Variants in OR5D3 observed in about 807,000 individuals in gnomAD.
OR5D3 encodes olfactory receptor family 5 subfamily D member 3, also known as olfactory receptor 5D3.
the OR5D3 span, chr11:55,729,291 T>C: frequency 1.3e-5 from 2 of 150,608 alleles, no homozygotes; most frequent in Non-Finnish European, 3.0e-5. Flanking sequence ...TATTAAGTGA[T>C]AGCTATGGGC....
chr11:55,728,346 A>AAAT, the OR5D3 span: 1 of 152,144 alleles, frequency 6.6e-6, no homozygotes, highest in South Asian at 2.1e-4. Context: ...AGTGATGGGT[A>AAAT]CAGGGAGAAA....
the OR5D3 span, chr11:55,726,436 A>G: frequency 2.1e-6 from 1 of 470,752 alleles, no homozygotes; most frequent in Non-Finnish European, 3.9e-6. Context: ...CTGTTATTCC[A>G]CCACAATTAC....
At chr11:55,726,923 C>G in the OR5D3 span, 1 of 399,526 alleles carries the variant, frequency 2.5e-6, no homozygotes, top group Non-Finnish European at 4.4e-6. Flanking sequence ...CGCAAGAAAG[C>G]GTTCTCCACG....
the OR5D3 span, chr11:55,724,144 T>C: frequency 2.6e-6 from 1 of 390,972 alleles, no homozygotes; most frequent in African/African-American, 2.1e-5. Flanking sequence ...CACGTGTAGG[T>C]TGAAGTGCCC....
At chr11:55,725,338 G>A in the OR5D3 span, among the ~76,000 whole-genome samples, 1 of 151,914 alleles carries the variant, frequency 6.6e-6, no homozygotes, top group Non-Finnish European at 1.5e-5. Flanking sequence ...TGTTTGAGAT[G>A]GGTCTTCCTG....
the OR5D3 span, chr11:55,728,438 C>T: frequency 0.18 from 26,876 of 152,034 alleles, 2,581 homozygotes; most frequent in Admixed American, 0.22. Context: ...AACTTTACTG[C>T]AGAAAACAGA....
the OR5D3 span, among the ~76,000 whole-genome samples, chr11:55,724,479 T>C: frequency 2.4e-4 from 36 of 152,094 alleles, no homozygotes; most frequent in Non-Finnish European, 5.1e-4. Context: ...TTTACAAGAG[T>C]AGATGGTAAA....
At chr11:55,724,068 GT>G in the OR5D3 span, 34,711 of 397,112 alleles carry the variant, frequency 0.087, 1,729 homozygotes, top group African/African-American at 0.16. Context: ...AGTTGATTTA[GT>G]TTTTTTAAAA....
At chr11:55,724,800 T>C in the OR5D3 span, among the ~76,000 whole-genome samples, 1 of 152,074 alleles carries the variant, frequency 6.6e-6, no homozygotes, top group Non-Finnish European at 1.5e-5. Flanking sequence ...AATACAGTCA[T>C]AATCTAGTTT....
At chr11:55,728,745 C>T in the OR5D3 span, 1 of 150,470 alleles carries the variant, frequency 6.6e-6, no homozygotes, top group Non-Finnish European at 1.5e-5. Context: ...ATGCAACTTA[C>T]TGTTTAGGAA....
At chr11:55,724,409 T>A in the OR5D3 span, among the ~76,000 whole-genome samples, 1 of 152,086 alleles carries the variant, frequency 6.6e-6, no homozygotes, top group Admixed American at 6.5e-5. Context: ...TTATGGTAAC[T>A]GTGAGTTATA....
chr11:55,724,511 AATAG>A, the OR5D3 span, among the ~76,000 whole-genome samples: 2 of 152,076 alleles, frequency 1.3e-5, no homozygotes, highest in Non-Finnish European at 2.9e-5. Flanking sequence ...TAAAAGTGAG[AATAG>A]ATAGAAAGCA....
the OR5D3 span, among the ~76,000 whole-genome samples, chr11:55,725,998 G>A: frequency 6.6e-5 from 10 of 151,666 alleles, no homozygotes; most frequent in Non-Finnish European, 1.5e-4. Context: ...TCTTAATTTT[G>A]TTTTTTATTA....
the OR5D3 span, chr11:55,726,353 T>C: frequency 4.3e-6 from 2 of 466,084 alleles, no homozygotes; most frequent in East Asian, 3.2e-5. Flanking sequence ...GGCATGATCA[T>C]GGTCATCAGG....
chr11:55,723,959 TATTA>T, the OR5D3 span: 5 of 397,670 alleles, frequency 1.3e-5, no homozygotes, highest in African/African-American at 4.1e-5. Context: ...GGTTTGTTTC[TATTA>T]ATTAAGTGCT....
chr11:55,725,183 T>G, the OR5D3 span, among the ~76,000 whole-genome samples: 1 of 152,178 alleles, frequency 6.6e-6, no homozygotes, highest in Admixed American at 6.5e-5. Context: ...CTTTATACTG[T>G]GTTTTATAAC....
the OR5D3 span, chr11:55,727,578 C>A: frequency 6.6e-6 from 1 of 152,024 alleles, no homozygotes; most frequent in South Asian, 2.1e-4. Context: ...TCTGTATGGG[C>A]AACTTTGGCA....
the OR5D3 span, chr11:55,726,212 A>G: frequency 2.5e-6 from 1 of 398,868 alleles, no homozygotes; most frequent in East Asian, 3.6e-5. Context: ...TTTTTTTCTC[A>G]CAGGATTCAA....
chr11:55,727,071 C>T, the OR5D3 span: 2 of 404,576 alleles, frequency 4.9e-6, no homozygotes, highest in East Asian at 3.5e-5. Context: ...CCATGCTGAA[C>T]CCCTTGATCT....
Sources: allele counts gnomAD v4.1 joint callset (sites outside exome capture counted in the v4.1 genomes callset), GRCh38; gene constraint gnomAD v4.1.1; transcripts MANE v1.5; gene names NCBI Gene and HGNC (gene_info 2026-07-23, HGNC 2026-07-21).